Variants in HNRNPA1L2 observed in about 807,000 individuals in gnomAD.
HNRNPA1L2 encodes the protein heterogeneous nuclear ribonucleoprotein A1 like 2.
Under a neutral mutation model 18.2 loss-of-function variants are expected in HNRNPA1L2, and 10 were observed. The ratio of observed to expected loss-of-function variants is 0.55; its 90% CI spans 0.34 to 0.93. The LOEUF (loss-of-function observed/expected upper bound fraction) is 0.93, where lower values mean the gene tolerates loss of function less well. HNRNPA1L2 is among the 40% of genes least tolerant of loss of function. The pLI is 0.02. For missense variants in HNRNPA1L2, 308 were observed against 394.4 expected (o/e 0.78, Z 1.85); for synonymous variants, 124 against 138.6 (o/e 0.89, Z 0.74).
At chr13:52,628,038 G>A in the HNRNPA1L2 span, among the ~76,000 whole-genome samples, 39 of 151,980 alleles carry the variant, frequency 2.6e-4, no homozygotes, top group Middle Eastern at 6.8e-3. Context: ...TTTATGCTAC[G>A]TTAGACTCCT....
chr13:52,617,886 A>T, the HNRNPA1L2 span, among the ~76,000 whole-genome samples: 1 of 152,232 alleles, frequency 6.6e-6, no homozygotes, highest in South Asian at 2.1e-4. Context: ...TGGAAGACAG[A>T]GCTCCAATTA....
the HNRNPA1L2 span, among the ~76,000 whole-genome samples, chr13:52,636,124 C>T: frequency 8.7e-4 from 132 of 152,198 alleles, 1 homozygote; most frequent in African/African-American, 3.1e-3. Context: ...TGCGAGCTAC[C>T]GTGCCCGGCT....
At chr13:52,622,336 A>G in the HNRNPA1L2 span, 4 of 152,480 alleles carry the variant, frequency 2.6e-5, no homozygotes, top group Non-Finnish European at 5.9e-5. Flanking sequence ...TTCTTTTTGC[A>G]AAAAATGTTT....
At chr13:52,636,240 C>T in the HNRNPA1L2 span, among the ~76,000 whole-genome samples, 851 of 152,254 alleles carry the variant, frequency 5.6e-3, 7 homozygotes, top group African/African-American at 0.019. Flanking sequence ...CATGAACTTT[C>T]GTGTACAAGT....
the HNRNPA1L2 span, among the ~76,000 whole-genome samples, chr13:52,633,102 C>T: frequency 6.6e-6 from 1 of 152,162 alleles, no homozygotes; most frequent in Non-Finnish European, 1.5e-5. Context: ...TTACATGAAT[C>T]CAGAGGTCCA....
At chr13:52,636,718 ATACCTT>A in the HNRNPA1L2 span, among the ~76,000 whole-genome samples, 4 of 152,266 alleles carry the variant, frequency 2.6e-5, no homozygotes, top group Non-Finnish European at 4.4e-5. Context: ...ATTCATAAAA[ATACCTT>A]TAAACAAAAT....
the HNRNPA1L2 span, among the ~76,000 whole-genome samples, chr13:52,628,145 G>A: frequency 1.3e-5 from 2 of 152,112 alleles, no homozygotes; most frequent in Non-Finnish European, 2.9e-5. Flanking sequence ...ATGTATTTCG[G>A]GAAGTTAAAA....
At chr13:52,638,334 G>T (rs1413646172), upstream of HNRNPA1L2, among the ~76,000 whole-genome samples, 4 of 152,168 alleles carry the variant, frequency 2.6e-5, no homozygotes, top group East Asian at 5.8e-4. Context: ...TAAGAAATTT[G>T]CTGAGAATTC....
chr13:52,636,059 A>G, the HNRNPA1L2 span, among the ~76,000 whole-genome samples: 1 of 149,906 alleles, frequency 6.7e-6, no homozygotes, highest in Non-Finnish European at 1.5e-5. Context: ...CTGTTCTTGA[A>G]CTCCTGACCT....
rs376490365 is a variant in HNRNPA1L2, at chr13:52,642,465, C to T, written c.-28C>T. 23 of 1,610,136 alleles carry T rather than the reference C, an allele frequency of 1.4e-5. No homozygotes were observed. The highest frequency in any genetic ancestry group is 6.6e-5 in the South Asian group (6 of 90,810). Reference sequence around the variant, plus strand: ...CCCGTGGACGCCGCTGAAGAAGCATCGTTAAAGTCTCTCTTCACCTTGCCG... The same window carrying T: ...CCCGTGGACGCCGCTGAAGAAGCATTGTTAAAGTCTCTCTTCACCTTGCCG... On this transcript the variant is annotated 5_prime_UTR_variant, in exon 1 of 1. Coordinates refer to ENST00000357495, the MANE Select transcript of HNRNPA1L2 (RefSeq NM_001389320.1).
chr13:52,619,204 G>T, the HNRNPA1L2 span, among the ~76,000 whole-genome samples: 1 of 151,932 alleles, frequency 6.6e-6, no homozygotes, highest in African/African-American at 2.4e-5. Flanking sequence ...CTCCATGTTG[G>T]CCAGGCTCCA....
At chr13:52,634,469 T>G in the HNRNPA1L2 span, among the ~76,000 whole-genome samples, 1 of 152,226 alleles carries the variant, frequency 6.6e-6, no homozygotes, top group African/African-American at 2.4e-5. Context: ...TAATTTACTC[T>G]GAAAGTACTG....
At chr13:52,638,788 T>G (rs681165), upstream of HNRNPA1L2, among the ~76,000 whole-genome samples, 9,265 of 152,242 alleles carry the variant, frequency 0.061, 323 homozygotes, top group African/African-American at 0.093. Flanking sequence ...AAAACAGACT[T>G]ATTTACTGTG....
the HNRNPA1L2 span, among the ~76,000 whole-genome samples, chr13:52,637,016 A>G: frequency 6.6e-6 from 1 of 152,090 alleles, no homozygotes; most frequent in Non-Finnish European, 1.5e-5. Flanking sequence ...TATTTTAAGT[A>G]GAGATGGGGT....
the HNRNPA1L2 span, among the ~76,000 whole-genome samples, chr13:52,634,364 T>C: frequency 2.0e-5 from 3 of 152,194 alleles, no homozygotes; most frequent in South Asian, 2.1e-4. Flanking sequence ...AAACTGAAAT[T>C]AGTTGGCAAG....
chr13:52,642,241 A>C, upstream of HNRNPA1L2: 1 of 524,804 alleles, frequency 1.9e-6, no homozygotes, highest in East Asian at 3.2e-5. Flanking sequence ...GAGAAACAAA[A>C]TTAGGGCTTC....
Position 52,642,432 on chromosome 13 carries a change from T to A in HNRNPA1L2, c.-61T>A, listed in dbSNP as rs1401404144. ...TTCATATCTAAGATCTCTGGTGGACTTTTTCTGCCCGTGGACGCCGCTGAA... is the reference window on the plus strand; with the variant it reads ...TTCATATCTAAGATCTCTGGTGGACATTTTCTGCCCGTGGACGCCGCTGAA... On this transcript the variant is annotated 5_prime_UTR_variant, in exon 1 of 1. Coordinates refer to ENST00000357495, the MANE Select transcript of HNRNPA1L2 (RefSeq NM_001389320.1). 9 of 1,592,850 alleles carry A rather than the reference T, an allele frequency of 5.7e-6. No homozygotes were observed. The highest frequency in any genetic ancestry group is 1.7e-6 in the Non-Finnish European group (2 of 1,171,512).
chr13:52,625,202 C>A, the HNRNPA1L2 span, among the ~76,000 whole-genome samples: 1 of 150,556 alleles, frequency 6.6e-6, no homozygotes, highest in Non-Finnish European at 1.5e-5. Flanking sequence ...GCAACCTCCG[C>A]CTTCTAGGTT....
At chr13:52,624,747 G>A in the HNRNPA1L2 span, among the ~76,000 whole-genome samples, 1 of 152,100 alleles carries the variant, frequency 6.6e-6, no homozygotes, top group African/African-American at 2.4e-5. Context: ...TATTCTCGAG[G>A]GGCCTGGAGC....
Sources: gnomAD v4.1 joint callset for allele counts (sites outside exome capture counted in the v4.1 genomes callset) on GRCh38, gnomAD v4.1.1 for gene constraint, MANE v1.5 for transcripts, NCBI Gene and HGNC (gene_info 2026-07-23, HGNC 2026-07-21) for gene names.